The following CENPT variants were observed in gnomAD, a reference collection of about 807,000 sequenced individuals.
CENPT encodes the protein interphase centromere complex protein 22.
A neutral mutation model predicts 59.7 loss-of-function variants in CENPT; 42 were observed. The observed-to-expected ratio is 0.70, with a 90% CI of 0.55 to 0.91. The LOEUF (loss-of-function observed/expected upper bound fraction) is 0.91, where lower values mean the gene tolerates loss of function less well. Among genes scored for constraint, CENPT ranks in the 40% least tolerant of loss-of-function variants. The pLI, the probability that CENPT is intolerant of heterozygous loss-of-function variation, is 0.00. For synonymous variants in CENPT, 295 were observed against 289.6 expected (o/e 1.02, Z -0.19); for missense variants, 716 against 713.4 (o/e 1.00, Z -0.04).
chr16:67,832,255 T>C lies in CENPT; in HGVS notation c.262A>G (p.Thr88Ala), dbSNP rs747927016. 6 of 1,614,184 alleles carry C rather than the reference T, an allele frequency of 3.7e-6. No individual in the cohort carries two copies. The highest frequency in any genetic ancestry group is 1.1e-5 in the South Asian group (1 of 91,078). Residue 88 changes from threonine (T) to alanine (A), a missense_variant, in exon 6 of 16, where the codon ACG (threonine) becomes GCG (alanine). Coordinates refer to ENST00000562787, the MANE Select transcript of CENPT (RefSeq NM_025082.4). ...SGHLEEQTPRTLLKNILLTAP... is the reference protein window; with the variant it reads ...SGHLEEQTPRALLKNILLTAP... ...GTTAGTAGGATGTTCTTCAGCAGCG[T>C]CCGAGGTGTCTGTTCCTCCAAGTGC... is the stretch of plus-strand genomic sequence containing the variant.
At chr16:67,832,629 G>T in intron 4 of CENPT, 84 bp from the exon 5 acceptor site, 3 of 1,249,378 alleles carry the variant, frequency 2.4e-6, no homozygotes, top group Non-Finnish European at 3.4e-6. Flanking sequence ...AGGGGTCTTG[G>T]TCTGGAGCCG....
intron 3 of CENPT, among the ~76,000 whole-genome samples, chr16:67,834,630 T>G (rs1303891371): frequency 2.0e-5 from 3 of 152,036 alleles, no homozygotes; most frequent in African/African-American, 7.2e-5. Flanking sequence ...TAAAAGCATT[T>G]TTAAAAGATC....
intron 1 of CENPT, among the ~76,000 whole-genome samples, chr16:67,839,601 G>A (rs993860423): frequency 5.3e-5 from 8 of 151,824 alleles, no homozygotes; most frequent in African/African-American, 1.5e-4. Flanking sequence ...GGCTGGGCAC[G>A]GTAGCTCACA....
At position 67,841,010 on chromosome 16, in the gene CENPT, C is replaced by CATATAT. The variant is rs66882634; in HGVS notation, c.-491-5358_-491-5353dup. On this transcript the variant is annotated intron_variant, in intron 1 of 15. Transcript: ENST00000562787. Reference sequence around the variant, plus strand: ...CCCCGTCTCTACTAAATACAAAATACATATATATATATATATATATATATA... The same window carrying CATATAT: ...CCCCGTCTCTACTAAATACAAAATACATATATATATATATATATATATATATATATA... Among the ~76,000 whole-genome samples the CATATAT allele has an allele frequency of 4.2e-3, 455 of 109,292 alleles. 3 individuals are homozygous for CATATAT. The highest frequency in any genetic ancestry group is 0.01 in the Middle Eastern group (2 of 200). 71.7% of individuals were successfully genotyped at this position (109,292 alleles called of 152,430 possible).
rs1567788655 is a variant in CENPT, at chr16:67,828,284, CAG to C, written c.1667_1668del (p.Ser556CysfsTer41). 1 of 1,598,470 alleles carries C rather than the reference CAG, an allele frequency of 6.3e-7. No individual in the cohort carries two copies. The highest frequency in any genetic ancestry group is 8.6e-7 in the Non-Finnish European group (1 of 1,168,928). On this transcript the variant is annotated frameshift_variant, in exon 16 of 16. Coordinates refer to ENST00000562787, the MANE Select transcript of CENPT (RefSeq NM_025082.4). LOFTEE classifies it high-confidence loss of function. ...CCTGGCCACTACTGGGCAGGGAAGA[CAG>C]AGTTGCCACTGTATGCACAGGGGAT... is the stretch of plus-strand genomic sequence containing the variant. ...LLIPCAYSGN[S>X]VFPAQ
intron 6 of CENPT, 56 bp from the exon 7 acceptor site, chr16:67,832,164 A>C: frequency 6.2e-7 from 1 of 1,608,610 alleles, no homozygotes; most frequent in East Asian, 2.2e-5. Context: ...CCTGAATAAA[A>C]GATACCACAA....
Position 67,843,644 on chromosome 16 carries a change from A to G in CENPT, c.-492+3757T>C, listed in dbSNP as rs973842602. On this transcript the variant is annotated intron_variant, in intron 1 of 15. Transcript: ENST00000562787. This position sits in a 1 kb window ranked among gnomAD's most constrained non-coding sequence, Gnocchi z 5.7. Reference sequence around the variant, plus strand: ...TGGACTCTCTTGCTGGTGACCTGGCATCCTCAATTGTTTCCTCCTGAAGTG... The same window carrying G: ...TGGACTCTCTTGCTGGTGACCTGGCGTCCTCAATTGTTTCCTCCTGAAGTG... The G allele has an allele frequency of 1.2e-6, 1 of 800,510 alleles. No individual in the cohort carries two copies. Among genetic ancestry groups the G allele is most frequent in the Non-Finnish European group, 2.0e-6 (1 of 512,790 alleles). The allele number at this position is 800,510 out of a possible 1,614,324, so 49.6% of individuals were successfully genotyped here. A position where few individuals can be genotyped will look rare whatever the true frequency, so the allele number is the denominator to read the frequency against.
intron 9 of CENPT, 43 bp from the exon 10 acceptor site, chr16:67,831,401 ACC>A: frequency 6.2e-7 from 1 of 1,601,484 alleles, no homozygotes; most frequent in African/African-American, 1.3e-5. Context: ...GGTACCTGAG[ACC>A]CAGTTTGCCC....
chr16:67,838,786 G>A (rs1037241478), intron 1 of CENPT, among the ~76,000 whole-genome samples: 1 of 151,880 alleles, frequency 6.6e-6, no homozygotes, highest in Non-Finnish European at 1.5e-5. Flanking sequence ...AATTAGTCGG[G>A]TGTAGTGGTG....
intron 10 of CENPT, 44 bp downstream of exon 10, chr16:67,831,172 G>A (rs1287311844): frequency 8.1e-6 from 13 of 1,612,936 alleles, no homozygotes; most frequent in African/African-American, 4.0e-5. Flanking sequence ...GTCATAGCGG[G>A]GAGAGCTTTC....
Position 67,828,308 on chromosome 16 carries a change from G to A in CENPT, c.1645C>T (p.Pro549Ser). The part of the protein sequence containing the change: ...LPLEYRQLLI[P>S]CAYSGNSVFP... ...ACAGAGTTGCCACTGTATGCACAGGGGATGAGCAGCTGCCGGTACTCCAGG... is the reference window on the plus strand; with the variant it reads ...ACAGAGTTGCCACTGTATGCACAGGAGATGAGCAGCTGCCGGTACTCCAGG... The change falls in exon 16 of 16, where the codon CCC becomes TCC. Residue 549 changes from proline (P) to serine (S), a missense_variant. Coordinates refer to ENST00000562787, the MANE Select transcript of CENPT (RefSeq NM_025082.4). 1 of 1,608,712 alleles carries A rather than the reference G, an allele frequency of 6.2e-7. No individual in the cohort carries two copies. The highest frequency in any genetic ancestry group is 1.1e-5 in the South Asian group (1 of 90,728).
chr16:67,832,312 C>G lies in CENPT; in HGVS notation c.205G>C (p.Val69Leu), dbSNP rs368646286. Residue 69 changes from valine (V) to leucine (L), a missense_variant, in exon 6 of 16, where the codon GTT (valine) becomes CTT (leucine). Transcript: ENST00000562787. ...GCCTGAATATGGGCCGATCTGCCAA[C>G]AGACTATCGGCAAAGCACCAAGCAA... ...ARGRSHGARS[V>L]GRSAHIQASG... The G allele has an allele frequency of 4.5e-5, 73 of 1,614,058 alleles. No individual in the cohort carries two copies. The highest frequency in any genetic ancestry group is 5.9e-5 in the Non-Finnish European group (70 of 1,180,012).
chr16:67,835,895 T>C (rs1376815714), intron 1 of CENPT, among the ~76,000 whole-genome samples: 2 of 152,002 alleles, frequency 1.3e-5, no homozygotes, highest in South Asian at 2.1e-4. Flanking sequence ...CAGCTGGGAT[T>C]ACAGGCTGGC....
Position 67,843,403 on chromosome 16 carries a change from C to T in CENPT, c.-492+3998G>A. ...TGAAAGAGATGAAAGGCAGCATTCG[C>T]CACCTGCGTCTCACTGAGGCCAAGC... On this transcript the variant is annotated intron_variant, in intron 1 of 15. Transcript: ENST00000562787. This position sits in a 1 kb window ranked among gnomAD's most constrained non-coding sequence, Gnocchi z 5.7. 6.2e-7 allele frequency: 1 copy of T among 1,614,070 alleles called. No homozygotes were observed. Among genetic ancestry groups the T allele is most frequent in the Non-Finnish European group, 8.5e-7 (1 of 1,180,038 alleles).
intron 8 of CENPT, 44 bp downstream of exon 8, chr16:67,831,710 G>A (rs1200133257): frequency 3.1e-6 from 5 of 1,593,090 alleles, no homozygotes; most frequent in African/African-American, 2.7e-5. Flanking sequence ...CCTCTCCAGA[G>A]GACAGGAGGG....
chr16:67,838,932 CAAA>C (rs58802560), intron 1 of CENPT, among the ~76,000 whole-genome samples: 3 of 86,056 alleles, frequency 3.5e-5, no homozygotes, highest in Admixed American at 1.3e-4. Flanking sequence ...GACTCTGTCT[CAAA>C]AAAAAAAAAA....
At chr16:67,840,392 G>C (rs903372748) in intron 1 of CENPT, among the ~76,000 whole-genome samples, 12 of 152,128 alleles carry the variant, frequency 7.9e-5, no homozygotes, top group Admixed American at 7.9e-4. Flanking sequence ...TATCAGGAGA[G>C]AAAAAAGGAC....
chr16:67,839,732 G>C (rs188372893), intron 1 of CENPT, among the ~76,000 whole-genome samples: 1 of 152,012 alleles, frequency 6.6e-6, no homozygotes. Context: ...AAATTAGCTG[G>C]TTGTGGTGCC....
chr16:67,841,143 C>A (rs1037915031), intron 1 of CENPT, among the ~76,000 whole-genome samples: 4 of 118,454 alleles, frequency 3.4e-5, no homozygotes, highest in African/African-American at 1.4e-4. Context: ...TGCGGTGAGC[C>A]GAGATCTCAC....
Sources: gnomAD v4.1 joint callset for allele counts (sites outside exome capture counted in the v4.1 genomes callset) on GRCh38, gnomAD v4.1.1 for gene constraint, Gnocchi (gnomAD v3.1) non-coding constraint, MANE v1.5 for transcripts, NCBI Gene and HGNC (gene_info 2026-07-23, HGNC 2026-07-21) for gene names.